CADM1: variants seen among roughly 807,000 people sequenced by gnomAD.
CADM1 encodes the protein cell adhesion molecule 1, also known as TSLC-1.
In CADM1, 15 loss-of-function variants were observed where a neutral mutation model predicts 53.1. The ratio of observed to expected loss-of-function variants is 0.28; its 90% CI spans 0.19 to 0.44. The LOEUF (loss-of-function observed/expected upper bound fraction) is 0.44. Ranked by LOEUF, CADM1 falls within the 20% of genes least tolerant of loss-of-function variation. The pLI is 1.00. For synonymous variants in CADM1, 281 were observed against 243.0 expected (o/e 1.16, Z -1.45); for missense variants, 434 against 611.3 (o/e 0.71, Z 3.06).
intron 4 of CADM1, among the ~76,000 whole-genome samples, chr11:115,231,004 C>G (rs1308168641): frequency 6.6e-6 from 1 of 152,100 alleles, no homozygotes; most frequent in African/African-American, 2.4e-5. Flanking sequence ...AGGGTAAAAG[C>G]AATTAGAATT....
At chr11:115,232,821 A>C (rs1434085633) in intron 3 of CADM1, among the ~76,000 whole-genome samples, 1 of 152,246 alleles carries the variant, frequency 6.6e-6, no homozygotes, top group African/African-American at 2.4e-5. Flanking sequence ...CCTGACCACC[A>C]TGAATAAGCA....
At chr11:115,344,960 A>C (rs1945539247) in intron 1 of CADM1, among the ~76,000 whole-genome samples, 1 of 152,150 alleles carries the variant, frequency 6.6e-6, no homozygotes, top group South Asian at 2.1e-4. Context: ...CATCTCTCAC[A>C]ATTCTCCAGC....
chr11:115,341,675 A>G (rs1219929570), intron 1 of CADM1, among the ~76,000 whole-genome samples: 1 of 152,236 alleles, frequency 6.6e-6, no homozygotes, highest in African/African-American at 2.4e-5. Context: ...GGAAACAAGC[A>G]AACTAAGCAG....
intron 1 of CADM1, among the ~76,000 whole-genome samples, chr11:115,261,137 C>G (rs891403853): frequency 6.6e-6 from 1 of 152,102 alleles, no homozygotes. Flanking sequence ...TGAGGGTACA[C>G]CTATTATGGG....
chr11:115,348,889 A>G (rs1365169955), intron 1 of CADM1, among the ~76,000 whole-genome samples: 1 of 152,188 alleles, frequency 6.6e-6, no homozygotes, highest in Non-Finnish European at 1.5e-5. Context: ...GGGCCTCTGA[A>G]GTTTGAGAAA....
intron 1 of CADM1, among the ~76,000 whole-genome samples, chr11:115,415,984 T>C (rs1947587715): frequency 6.6e-6 from 1 of 152,180 alleles, no homozygotes; most frequent in South Asian, 2.1e-4. Flanking sequence ...CTACTCCTTT[T>C]GTGTTCATAC....
At chr11:115,351,444 T>C (rs1945733992) in intron 1 of CADM1, among the ~76,000 whole-genome samples, 1 of 152,052 alleles carries the variant, frequency 6.6e-6, no homozygotes, top group Non-Finnish European at 1.5e-5. Flanking sequence ...CCACTTGGAG[T>C]CCCAGGGTAC....
At position 115,173,532 on chromosome 11, in the gene CADM1, C is replaced by G. The variant is rs188474384; in HGVS notation, c.*2942G>C. The G allele has an allele frequency of 6.3e-6, 1 of 159,990 alleles. No individual in the cohort carries two copies. Among genetic ancestry groups the G allele is most frequent in the Admixed American group, 6.5e-5 (1 of 15,290 alleles). The allele number at this position is 159,990 out of a possible 1,614,324, so 9.9% of individuals were successfully genotyped here. ...CATCTACTGCCAGCGTTCCTGGCCC[C>G]GTACATGGTCCTAAGGAGGAAGCTG... On this transcript the variant is annotated 3_prime_UTR_variant, in exon 12 of 12. Coordinates refer to ENST00000331581, the MANE Select transcript of CADM1 (RefSeq NM_001301043.2).
intron 1 of CADM1, among the ~76,000 whole-genome samples, chr11:115,292,978 C>T (rs140635693): frequency 3.3e-4 from 51 of 152,258 alleles, no homozygotes; most frequent in South Asian, 1.5e-3. Flanking sequence ...AAAAAAGATG[C>T]CACATGTTTA....
chr11:115,216,517 A>T (rs1173375333), intron 6 of CADM1, among the ~76,000 whole-genome samples: 1 of 152,172 alleles, frequency 6.6e-6, no homozygotes, highest in African/African-American at 2.4e-5. Context: ...GAAAGCTGCT[A>T]ATTAGGGAAT....
intron 1 of CADM1, among the ~76,000 whole-genome samples, chr11:115,480,966 T>C (rs1949245822): frequency 6.6e-6 from 1 of 152,122 alleles, no homozygotes; most frequent in African/African-American, 2.4e-5. Context: ...TGGCCCTTGA[T>C]GGTCAGTGAT....
chr11:115,284,087 A>ACT (rs141079093), intron 1 of CADM1, among the ~76,000 whole-genome samples: 547 of 47,534 alleles, frequency 0.012, 20 homozygotes, highest in African/African-American at 0.04. Context: ...AAGCCCAGAC[A>ACT]CTCTCTCTCT....
rs573108802 is a variant in CADM1, at chr11:115,356,310, A to G, written c.125-115890T>C. 1.3e-3 allele frequency among the ~76,000 whole-genome samples: 196 copies of G among 150,498 alleles called. 3 individuals carry two copies. The highest frequency in any genetic ancestry group is 2.6e-3 in the Non-Finnish European group (175 of 67,700). On this transcript the variant is annotated intron_variant, in intron 1 of 11. Transcript: ENST00000331581. ...TAAGGTCAAATAAGTTGACCTAAAT[A>G]ACCTGCGAATTTGGAAGAAATTACA...
At chr11:115,406,428 A>G (rs1020825505) in intron 1 of CADM1, among the ~76,000 whole-genome samples, 1 of 151,114 alleles carries the variant, frequency 6.6e-6, no homozygotes, top group African/African-American at 2.4e-5. Flanking sequence ...ACAAAATCCC[A>G]TTTCCATAAT....
intron 1 of CADM1, among the ~76,000 whole-genome samples, chr11:115,323,645 T>C (rs1482814258): frequency 1.3e-5 from 2 of 152,166 alleles, no homozygotes; most frequent in Non-Finnish European, 2.9e-5. Context: ...CAGTTTCAGA[T>C]GAAGGAAGTT....
rs531873841 is a variant in CADM1 at position 115,337,403 on chromosome 11, T to C, written c.125-96983A>G. Among the ~76,000 whole-genome samples, 2 of 152,278 alleles carry C rather than the reference T, an allele frequency of 1.3e-5. 1 individual carries two copies. Among genetic ancestry groups the C allele is most frequent in the South Asian group, 4.1e-4 (2 of 4,826 alleles). ...TATTAGTTCTCAACAGCACCTCTCT[T>C]TTCCAGAGAAACCAACTTGCTCATG... On this transcript the variant is annotated intron_variant, in intron 1 of 11. Coordinates refer to ENST00000331581, the MANE Select transcript of CADM1 (RefSeq NM_001301043.2).
intron 6 of CADM1, 98 bp from the exon 7 acceptor site, chr11:115,214,878 C>T: frequency 1.7e-6 from 2 of 1,151,244 alleles, no homozygotes. Flanking sequence ...TGAGGACCTA[C>T]TGGAGATATT....
intron 1 of CADM1, among the ~76,000 whole-genome samples, chr11:115,415,056 G>T (rs1458726799): frequency 1.3e-5 from 2 of 152,124 alleles, no homozygotes; most frequent in Non-Finnish European, 2.9e-5. Flanking sequence ...CTAGCAGAGT[G>T]GTCTAATGAG....
At chr11:115,428,072 G>A (rs1292215006) in intron 1 of CADM1, among the ~76,000 whole-genome samples, 1 of 147,754 alleles carries the variant, frequency 6.8e-6, no homozygotes, top group Non-Finnish European at 1.5e-5. Flanking sequence ...AAGAAAATAT[G>A]TCTGAGTCTT....
Sources: allele counts gnomAD v4.1 joint callset (sites outside exome capture counted in the v4.1 genomes callset), GRCh38; gene constraint gnomAD v4.1.1; transcripts MANE v1.5; gene names NCBI Gene and HGNC (gene_info 2026-07-23, HGNC 2026-07-21).